Variants in CNTNAP2 observed in about 807,000 individuals in gnomAD.
CNTNAP2 encodes the protein contactin-associated protein-like 2.
Under a neutral mutation model 155.2 loss-of-function variants are expected in CNTNAP2, and 98 were observed. That is an observed-to-expected ratio of 0.63 (90% CI 0.54 to 0.75). The LOEUF (loss-of-function observed/expected upper bound fraction) is 0.75. Ranked by LOEUF, CNTNAP2 falls within the 30% of genes least tolerant of loss-of-function variation. The probability of loss-of-function intolerance (pLI) is 0.00; values close to 1 mark genes in which losing one functional copy is unlikely to be tolerated. For missense variants in CNTNAP2, 1,727 were observed against 1,688.1 expected (o/e 1.02, Z -0.40); for synonymous variants, 651 against 631.2 (o/e 1.03, Z -0.47).
At chr7:147,704,731 C>CT (rs892164314) in intron 13 of CNTNAP2, among the ~76,000 whole-genome samples, 4 of 151,584 alleles carry the variant, frequency 2.6e-5, no homozygotes, top group South Asian at 2.1e-4. Context: ...TGTTGGGAGA[C>CT]TTTTTTTACT....
At chr7:147,156,491 C>T (rs1028956041) in intron 8 of CNTNAP2, among the ~76,000 whole-genome samples, 1 of 152,142 alleles carries the variant, frequency 6.6e-6, no homozygotes, top group African/African-American at 2.4e-5. Flanking sequence ...GGTCTTTGCC[C>T]TTCTCTTAGG....
At chr7:146,643,532 T>G (rs1196422003) in intron 1 of CNTNAP2, among the ~76,000 whole-genome samples, 1 of 152,000 alleles carries the variant, frequency 6.6e-6, no homozygotes, top group Non-Finnish European at 1.5e-5. Flanking sequence ...TCTGTTTTGG[T>G]ACCAGTACCA....
At chr7:146,918,406 G>T (rs1015140317) in intron 3 of CNTNAP2, among the ~76,000 whole-genome samples, 1 of 151,868 alleles carries the variant, frequency 6.6e-6, no homozygotes, top group Non-Finnish European at 1.5e-5. Flanking sequence ...AAATTTGTTT[G>T]TCTGAAAAAG....
At chr7:147,134,511 A>G (rs966624204) in intron 8 of CNTNAP2, among the ~76,000 whole-genome samples, 8 of 151,766 alleles carry the variant, frequency 5.3e-5, no homozygotes, top group African/African-American at 1.9e-4. Context: ...ATATAAATAT[A>G]TATATATACA....
At chr7:146,892,541 G>A (rs900295496) in intron 3 of CNTNAP2, among the ~76,000 whole-genome samples, 1 of 152,122 alleles carries the variant, frequency 6.6e-6, no homozygotes, top group South Asian at 2.1e-4. Context: ...AAGTATAATC[G>A]GTTATGGTGA....
intron 1 of CNTNAP2, among the ~76,000 whole-genome samples, chr7:146,362,350 T>C (rs1795093659): frequency 6.6e-6 from 1 of 151,968 alleles, no homozygotes; most frequent in South Asian, 2.1e-4. Flanking sequence ...GGAAAACAGG[T>C]AAGGTATGAG....
intron 2 of CNTNAP2, among the ~76,000 whole-genome samples, chr7:146,822,887 A>C (rs936706948): frequency 2.0e-5 from 3 of 148,522 alleles, no homozygotes; most frequent in Non-Finnish European, 4.5e-5. Context: ...TCTTCAGCAT[A>C]TTTACATGGA....
intron 10 of CNTNAP2, among the ~76,000 whole-genome samples, chr7:147,476,074 G>A (rs7458418): frequency 0.2 from 29,903 of 151,484 alleles, 3,145 homozygotes; most frequent in East Asian, 0.36. Context: ...TAATATCCCC[G>A]CCTCTGTTTA....
At chr7:147,807,119 G>A (rs1798103061) in intron 13 of CNTNAP2, among the ~76,000 whole-genome samples, 1 of 151,822 alleles carries the variant, frequency 6.6e-6, no homozygotes, top group Non-Finnish European at 1.5e-5. Context: ...TGAGACCATA[G>A]TGGGCACCAT....
intron 15 of CNTNAP2, among the ~76,000 whole-genome samples, chr7:148,037,856 T>G (rs1802599337): frequency 6.6e-6 from 1 of 152,208 alleles, no homozygotes; most frequent in Admixed American, 6.5e-5. Context: ...TTTTCTCAGC[T>G]TTACAATGGT....
chr7:146,661,727 TCTTTC>T (rs1800092179), intron 1 of CNTNAP2, among the ~76,000 whole-genome samples: 1 of 74,060 alleles, frequency 1.4e-5, no homozygotes, highest in Admixed American at 9.5e-5. Context: ...TTTCTTTCTT[TCTTTC>T]TTTTTTTTTT....
intron 1 of CNTNAP2, among the ~76,000 whole-genome samples, chr7:146,174,970 T>C (rs1359448532): frequency 1.3e-5 from 2 of 152,192 alleles, no homozygotes; most frequent in Non-Finnish European, 2.9e-5. Context: ...AATCTCATCA[T>C]AAGGTTGTAA....
intron 1 of CNTNAP2, among the ~76,000 whole-genome samples, chr7:146,583,066 C>G (rs550606431): frequency 7.3e-4 from 111 of 151,844 alleles, no homozygotes; most frequent in Non-Finnish European, 1.5e-3. Context: ...ATGCGTTATC[C>G]CCATGAGAGC....
At chr7:146,485,223 A>G (rs1279553681) in intron 1 of CNTNAP2, among the ~76,000 whole-genome samples, 2 of 152,216 alleles carry the variant, frequency 1.3e-5, no homozygotes, top group Non-Finnish European at 2.9e-5. Flanking sequence ...TAAAACAGAG[A>G]GTGGAAAAAA....
At chr7:146,263,047 G>A (rs1423673187) in intron 1 of CNTNAP2, among the ~76,000 whole-genome samples, 3 of 152,138 alleles carry the variant, frequency 2.0e-5, no homozygotes, top group Admixed American at 2.0e-4. Context: ...GGCCAGGCGT[G>A]GTGGCTCATG....
At position 147,269,116 on chromosome 7, in the gene CNTNAP2, C is replaced by T. The variant is rs145944984; in HGVS notation, c.1349-31025C>T. ...CTTAGACGAGAACTCCTAGAACTCA[C>T]GGGTCCTGAATCTAAAGCTTAATTC... On this transcript the variant is annotated intron_variant, in intron 8 of 23. Coordinates refer to ENST00000361727, the MANE Select transcript of CNTNAP2 (RefSeq NM_014141.6). Among the ~76,000 whole-genome samples, 693 of 152,230 alleles carry T rather than the reference C, an allele frequency of 4.6e-3. 6 individuals carry two copies. The highest frequency in any genetic ancestry group is 0.016 in the African/African-American group (656 of 41,542).
intron 21 of CNTNAP2, among the ~76,000 whole-genome samples, chr7:148,372,818 C>G (rs1273038065): frequency 6.6e-6 from 1 of 152,140 alleles, no homozygotes; most frequent in African/African-American, 2.4e-5. Context: ...ATATTTTTGT[C>G]TAACACTTAG....
chr7:147,806,791 A>C (rs947086671), intron 13 of CNTNAP2, among the ~76,000 whole-genome samples: 6 of 152,150 alleles, frequency 3.9e-5, no homozygotes, highest in African/African-American at 1.4e-4. Flanking sequence ...GTGGGAGCTA[A>C]AACAATTGAT....
At chr7:146,397,407 C>A (rs915052558) in intron 1 of CNTNAP2, among the ~76,000 whole-genome samples, 1 of 152,188 alleles carries the variant, frequency 6.6e-6, no homozygotes, top group African/African-American at 2.4e-5. Context: ...GTCATTTCTC[C>A]TGCCTAGATG....
Sources: allele counts gnomAD v4.1 joint callset (sites outside exome capture counted in the v4.1 genomes callset), GRCh38; gene constraint gnomAD v4.1.1; transcripts MANE v1.5; gene names NCBI Gene and HGNC (gene_info 2026-07-23, HGNC 2026-07-21).